Variants in TRIM51 observed in about 807,000 individuals in gnomAD.
TRIM51 encodes tripartite motif-containing 51.
TRIM51 carries 23 observed loss-of-function variants against 32.7 expected under a neutral mutation model. The observed-to-expected ratio is 0.70, with a 90% CI of 0.51 to 1.00. TRIM51 has a LOEUF of 1.00. Ranked by LOEUF, TRIM51 falls within the 50% of genes least tolerant of loss-of-function variation. The probability of loss-of-function intolerance (pLI) is 0.00; values close to 1 mark genes in which losing one functional copy is unlikely to be tolerated. For missense variants in TRIM51, 592 were observed against 539.2 expected (o/e 1.10, Z -0.97); for synonymous variants, 177 against 181.9 (o/e 0.97, Z 0.22).
In TRIM51 at chr11:55,885,769, C is replaced by T. The variant is rs751933387; in HGVS notation, c.341C>T (p.Pro114Leu). Residue 114 changes from proline to leucine, a missense_variant, in exon 2 of 7, where the codon CCG becomes CTG. Pro to Leu is a moderately conservative substitution (Grantham distance 98). Coordinates refer to ENST00000449290, the MANE Select transcript of TRIM51 (RefSeq NM_032681.4). ...CEVDKSLLCLPCSNSQEHRNH... is the reference protein window; with the variant it reads ...CEVDKSLLCLLCSNSQEHRNH... Reference sequence around the variant, plus strand: ...GTGGACAAGAGCCTGCTCTGTTTGCCGTGCTCCAACTCTCAGGAGCACCGG... The same window carrying T: ...GTGGACAAGAGCCTGCTCTGTTTGCTGTGCTCCAACTCTCAGGAGCACCGG... 4.2e-5 allele frequency: 67 copies of T among 1,611,786 alleles called. No individual in the cohort carries two copies. Among genetic ancestry groups the T allele is most frequent in the African/African-American group, 1.3e-4 (10 of 74,960 alleles).
chr11:55,884,157 CTATATATATATA>C (rs143840865), intron 1 of TRIM51, among the ~76,000 whole-genome samples: 43 of 61,502 alleles, frequency 7.0e-4, no homozygotes, highest in South Asian at 3.1e-3. Context: ...ATAACTATAA[CTATATATATATA>C]TATATATATA....
chr11:55,885,012 C>A (rs576432828), intron 1 of TRIM51, among the ~76,000 whole-genome samples: 1 of 151,942 alleles, frequency 6.6e-6, no homozygotes, highest in Non-Finnish European at 1.5e-5. Flanking sequence ...CAACCTCTGA[C>A]CATCTTCTCA....
intron 1 of TRIM51, among the ~76,000 whole-genome samples, chr11:55,884,571 T>C (rs1432410600): frequency 2.0e-5 from 3 of 152,024 alleles, no homozygotes; most frequent in African/African-American, 4.8e-5. Context: ...TACCAGCTGA[T>C]TGGATAGTGT....
chr11:55,886,397 A>T (rs2045976452), intron 3 of TRIM51, among the ~76,000 whole-genome samples, 179 bp downstream of exon 3: 1 of 152,216 alleles, frequency 6.6e-6, no homozygotes, highest in African/African-American at 2.4e-5. Flanking sequence ...TTGGTAGGAT[A>T]TCTAATCAGA....
intron 5 of TRIM51, among the ~76,000 whole-genome samples, chr11:55,889,652 C>A (rs1422040941): frequency 6.6e-6 from 1 of 152,042 alleles, no homozygotes; most frequent in Non-Finnish European, 1.5e-5. Context: ...GGTCTGGAAC[C>A]CAGAATTTCA....
intron 6 of TRIM51, among the ~76,000 whole-genome samples, chr11:55,890,365 T>A (rs1360609652): frequency 1.3e-5 from 2 of 152,240 alleles, no homozygotes; most frequent in African/African-American, 4.8e-5. Context: ...ATAAAAATTT[T>A]ACATTTCTTT....
rs2134533924 is a variant in TRIM51, at chr11:55,885,526, G to A, written c.98G>A (p.Ser33Asn). The A allele has an allele frequency of 6.2e-7, 1 of 1,612,050 alleles. No homozygotes were observed. Among genetic ancestry groups the A allele is most frequent in the Non-Finnish European group, 8.5e-7 (1 of 1,179,746 alleles). Residue 33 changes from serine (S) to asparagine (N), a missense_variant, in exon 2 of 7, where the codon AGC becomes AAC. Ser to Asn is a conservative substitution (Grantham distance 46, BLOSUM62 1). Transcript: ENST00000449290. ...LDPVTIDCGH[S>N]FCRPCLYLNW... ...CCAGTCACCATAGACTGTGGGCACAGCTTTTGCCGGCCCTGTTTGTACCTC... is the reference window on the plus strand; with the variant it reads ...CCAGTCACCATAGACTGTGGGCACAACTTTTGCCGGCCCTGTTTGTACCTC...
At chr11:55,889,662 A>AT (rs921858229) in intron 5 of TRIM51, among the ~76,000 whole-genome samples, 1 of 152,156 alleles carries the variant, frequency 6.6e-6, no homozygotes, top group African/African-American at 2.4e-5. Flanking sequence ...CCAGAATTTC[A>AT]TTTTTGATTA....
intron 2 of TRIM51, 111 bp downstream of exon 2, chr11:55,885,950 G>A: frequency 1.3e-6 from 2 of 1,556,740 alleles, no homozygotes; most frequent in Non-Finnish European, 1.7e-6. Context: ...AAGCATGTCT[G>A]TTATGAGCTT....
At chr11:55,883,457 C>G (rs1479536386) in intron 1 of TRIM51, 73 bp downstream of exon 1, 1 of 152,126 alleles carries the variant, frequency 6.6e-6, no homozygotes. Flanking sequence ...ATAAAAATAT[C>G]TAACTGTCTA....
At chr11:55,889,871 T>A in intron 5 of TRIM51, 71 bp from the exon 6 acceptor site, 1 of 1,062,162 alleles carries the variant, frequency 9.4e-7, no homozygotes, top group Non-Finnish European at 1.5e-6. Flanking sequence ...AAATGTCTTT[T>A]AAATAAGAGT....
chr11:55,883,731 C>G (rs1027244805), intron 1 of TRIM51, among the ~76,000 whole-genome samples: 2 of 151,992 alleles, frequency 1.3e-5, no homozygotes, highest in Non-Finnish European at 2.9e-5. Flanking sequence ...TTATTGAATA[C>G]TGTAAATGTT....
intron 3 of TRIM51, among the ~76,000 whole-genome samples, chr11:55,886,789 G>A (rs1854584038): frequency 6.6e-6 from 1 of 152,076 alleles, no homozygotes; most frequent in Non-Finnish European, 1.5e-5. Flanking sequence ...TGAGAAATAT[G>A]GGAACTAGTA....
chr11:55,888,398 G>T, intron 4 of TRIM51, 136 bp downstream of exon 4: 1 of 745,708 alleles, frequency 1.3e-6, no homozygotes, highest in Non-Finnish European at 2.3e-6. Flanking sequence ...AATGCTACTT[G>T]GTTGGGAGGG....
At chr11:55,891,007 A>C (rs998510301) in intron 6 of TRIM51, 126 bp from the exon 7 acceptor site, 1 of 686,208 alleles carries the variant, frequency 1.5e-6, no homozygotes, top group Non-Finnish European at 2.4e-6. Context: ...TGTAGTCACA[A>C]TTCTCCTGTC....
At chr11:55,889,489 C>T (rs12222964) in intron 5 of TRIM51, among the ~76,000 whole-genome samples, 15,146 of 152,014 alleles carry the variant, frequency 0.1, 1,047 homozygotes, top group South Asian at 0.31. Context: ...ATGTTTGAAC[C>T]GTGTAGGCCT....
chr11:55,889,947 A>T lies in TRIM51; in HGVS notation c.767A>T (p.Glu256Val). The change falls in exon 6 of 7, where the codon GAG becomes GTG. Residue 256 changes from glutamate to valine, a missense_variant. Coordinates refer to ENST00000449290, the MANE Select transcript of TRIM51 (RefSeq NM_032681.4). ...QAFGDILHRY[E>V]SLLLQVSEPV... ...CCCTATCTTTCCCCTTGCAGGTATGAGTCTCTGCTGCTGCAAGTGTCTGAG... is the reference window on the plus strand; with the variant it reads ...CCCTATCTTTCCCCTTGCAGGTATGTGTCTCTGCTGCTGCAAGTGTCTGAG... The T allele has an allele frequency of 1.2e-6, 2 of 1,612,462 alleles. No individual in the cohort carries two copies. The highest frequency in any genetic ancestry group is 1.7e-6 in the Non-Finnish European group (2 of 1,178,960).
intron 6 of TRIM51, among the ~76,000 whole-genome samples, chr11:55,890,256 T>C (rs1282535651): frequency 6.6e-6 from 1 of 152,114 alleles, no homozygotes; most frequent in African/African-American, 2.4e-5. Flanking sequence ...TGGGCTCACA[T>C]GGATAGAGTT....
chr11:55,885,772 G>T lies in TRIM51; in HGVS notation c.344G>T (p.Cys115Phe). The T allele has an allele frequency of 6.2e-7, 1 of 1,611,802 alleles. No individual in the cohort carries two copies. The highest frequency in any genetic ancestry group is 8.5e-7 in the Non-Finnish European group (1 of 1,179,718). ...EVDKSLLCLP[C>F]SNSQEHRNHI... ...GACAAGAGCCTGCTCTGTTTGCCGTGCTCCAACTCTCAGGAGCACCGGAAT... is the reference window on the plus strand; with the variant it reads ...GACAAGAGCCTGCTCTGTTTGCCGTTCTCCAACTCTCAGGAGCACCGGAAT... The change falls in exon 2 of 7, where the codon TGC (cysteine) becomes TTC (phenylalanine). Residue 115 changes from cysteine to phenylalanine, a missense_variant. Coordinates refer to ENST00000449290, the MANE Select transcript of TRIM51 (RefSeq NM_032681.4).
Sources: gnomAD v4.1 joint callset for allele counts (sites outside exome capture counted in the v4.1 genomes callset) on GRCh38, gnomAD v4.1.1 for gene constraint, MANE v1.5 for transcripts, NCBI Gene and HGNC (gene_info 2026-07-23, HGNC 2026-07-21) for gene names.